CCSER1: variants seen among roughly 807,000 people sequenced by gnomAD.
The protein encoded by CCSER1 is serine-rich coiled-coil domain-containing protein 1.
Under a neutral mutation model 82.0 loss-of-function variants are expected in CCSER1, and 41 were observed. The ratio of observed to expected loss-of-function variants is 0.50; its 90% CI spans 0.39 to 0.65. CCSER1 has a LOEUF of 0.65. CCSER1 is among the 30% of genes least tolerant of loss of function. The probability of loss-of-function intolerance (pLI) is 0.00; values close to 1 mark genes in which losing one functional copy is unlikely to be tolerated. For missense variants in CCSER1, 1,119 were observed against 1,064.2 expected, an observed-to-expected ratio of 1.05 and a Z score of -0.72; for synonymous variants, 414 against 383.9, an observed-to-expected ratio of 1.08 and a Z score of -0.92.
At chr4:91,414,903 GC>G (rs1753266159) in intron 10 of CCSER1, among the ~76,000 whole-genome samples, 1 of 152,088 alleles carries the variant, frequency 6.6e-6, no homozygotes, top group Non-Finnish European at 1.5e-5. Flanking sequence ...TGCATCATAT[GC>G]ACCCAAAATT....
chr4:90,365,489 G>T (rs912471751), intron 3 of CCSER1, among the ~76,000 whole-genome samples: 1 of 151,632 alleles, frequency 6.6e-6, no homozygotes, highest in Non-Finnish European at 1.5e-5. Context: ...TAAGGAATTC[G>T]TGATAATTTT....
intron 10 of CCSER1, among the ~76,000 whole-genome samples, chr4:91,420,286 ACT>A (rs1470642996): frequency 6.6e-6 from 1 of 152,114 alleles, no homozygotes; most frequent in Non-Finnish European, 1.5e-5. Flanking sequence ...ATATCTGCAA[ACT>A]ATATGTCTGA....
At chr4:91,207,368 T>C (rs1292828710) in intron 10 of CCSER1, among the ~76,000 whole-genome samples, 3 of 151,526 alleles carry the variant, frequency 2.0e-5, no homozygotes, top group Non-Finnish European at 4.4e-5. Flanking sequence ...TTTTGGAACA[T>C]CTCCATCCTC....
intron 5 of CCSER1, among the ~76,000 whole-genome samples, chr4:90,488,095 G>T (rs1767399630): frequency 6.6e-6 from 1 of 152,204 alleles, no homozygotes; most frequent in Non-Finnish European, 1.5e-5. Flanking sequence ...CATGTTCCCT[G>T]TTCCTGATTC....
At chr4:91,428,065 A>C (rs948172769) in intron 10 of CCSER1, among the ~76,000 whole-genome samples, 24 of 152,134 alleles carry the variant, frequency 1.6e-4, no homozygotes, top group African/African-American at 5.5e-4. Flanking sequence ...TTCTAATGAA[A>C]TTGAATTTGG....
intron 5 of CCSER1, among the ~76,000 whole-genome samples, chr4:90,606,831 T>C (rs17017267): frequency 0.028 from 4,307 of 152,274 alleles, 122 homozygotes; most frequent in African/African-American, 0.067. Context: ...GTGACACTCA[T>C]ACAGATAAAC....
At chr4:90,787,692 A>G (rs928931177) in intron 7 of CCSER1, among the ~76,000 whole-genome samples, 4 of 152,178 alleles carry the variant, frequency 2.6e-5, no homozygotes, top group Non-Finnish European at 5.9e-5. Flanking sequence ...ATTATGTGTG[A>G]AAAGGAATTT....
At chr4:90,938,620 A>C (rs1431276478) in intron 9 of CCSER1, 1 of 330,666 alleles carries the variant, frequency 3.0e-6, no homozygotes, top group East Asian at 8.1e-5. Context: ...TATTAAGTAA[A>C]ATTTCATTTT....
At chr4:90,534,736 C>A (rs1422458176) in intron 5 of CCSER1, among the ~76,000 whole-genome samples, 4 of 152,114 alleles carry the variant, frequency 2.6e-5, no homozygotes, top group Non-Finnish European at 5.9e-5. Flanking sequence ...ATTAACTGGT[C>A]TACCAGTTGA....
intron 8 of CCSER1, among the ~76,000 whole-genome samples, chr4:90,862,195 A>G (rs536949117): frequency 5.3e-5 from 8 of 151,922 alleles, no homozygotes; most frequent in African/African-American, 1.9e-4. Flanking sequence ...TTATTTATTT[A>G]AAAAAACTCA....
intron 10 of CCSER1, among the ~76,000 whole-genome samples, chr4:91,094,731 C>T (rs1436939484): frequency 6.6e-6 from 1 of 152,132 alleles, no homozygotes; most frequent in African/African-American, 2.4e-5. Context: ...TCCGCCCATA[C>T]TCAGGGCCAT....
intron 5 of CCSER1, chr4:90,468,589 C>T (rs996866720): frequency 5.8e-6 from 2 of 345,990 alleles, no homozygotes; most frequent in African/African-American, 2.1e-5. Flanking sequence ...ATCTTAAGGA[C>T]ATGGGCAAGT....
chr4:90,540,099 G>T (rs150526189), intron 5 of CCSER1, among the ~76,000 whole-genome samples: 1,886 of 152,066 alleles, frequency 0.012, 48 homozygotes, highest in African/African-American at 0.044. Flanking sequence ...TATAAACCTG[G>T]GTGCTAAGGC....
intron 10 of CCSER1, among the ~76,000 whole-genome samples, chr4:91,371,987 C>T (rs548963438): frequency 6.6e-6 from 1 of 152,210 alleles, no homozygotes; most frequent in South Asian, 2.1e-4. Flanking sequence ...TTACTTTTAC[C>T]TCAAAGATGT....
intron 8 of CCSER1, among the ~76,000 whole-genome samples, chr4:90,835,674 T>C (rs565841624): frequency 6.6e-6 from 1 of 152,296 alleles, no homozygotes; most frequent in South Asian, 2.1e-4. Flanking sequence ...CTTTGTTCAA[T>C]AGCACCTGGA....
chr4:90,533,363 G>A (rs986399355), intron 5 of CCSER1, among the ~76,000 whole-genome samples: 1 of 152,078 alleles, frequency 6.6e-6, no homozygotes, highest in African/African-American at 2.4e-5. Flanking sequence ...CCAAAGTGCT[G>A]GGATTACAGG....
chr4:91,323,369 A>G (rs959329633), intron 10 of CCSER1, among the ~76,000 whole-genome samples: 1 of 152,194 alleles, frequency 6.6e-6, no homozygotes. Flanking sequence ...GGTTTAGGTT[A>G]TGCCTCAGAA....
At chr4:91,083,567 T>C (rs560077700) in intron 9 of CCSER1, among the ~76,000 whole-genome samples, 234 of 151,342 alleles carry the variant, frequency 1.5e-3, no homozygotes, top group African/African-American at 5.4e-3. Context: ...TAAAGTAAAA[T>C]GAAATAAAAT....
intron 8 of CCSER1, among the ~76,000 whole-genome samples, chr4:90,877,649 C>G (rs1018049564): frequency 1.4e-5 from 2 of 144,210 alleles, no homozygotes; most frequent in African/African-American, 5.2e-5. Flanking sequence ...CACTCTGCTG[C>G]TAAATATACC....
Sources: gnomAD v4.1 joint callset for allele counts (sites outside exome capture counted in the v4.1 genomes callset) on GRCh38, gnomAD v4.1.1 for gene constraint, MANE v1.5 for transcripts, NCBI Gene and HGNC (gene_info 2026-07-23, HGNC 2026-07-21) for gene names.